The following HTT variants were observed in gnomAD, a reference collection of about 807,000 sequenced individuals.
The protein encoded by HTT is huntington disease protein.
Under a neutral mutation model 362.3 loss-of-function variants are expected in HTT, and 104 were observed. That is an observed-to-expected ratio of 0.29 (90% CI 0.24 to 0.34). HTT has a LOEUF of 0.34. Among genes scored for constraint, HTT ranks in the 10% least tolerant of loss-of-function variants. The pLI is 1.00. For synonymous variants in HTT, 1,577 were observed against 1,548.7 expected, an observed-to-expected ratio of 1.02 and a Z score of -0.43; for missense variants, 3,301 against 3,928.6, an observed-to-expected ratio of 0.84 and a Z score of 4.27.
At chr4:3,166,826 C>G (rs748647552) in intron 29 of HTT, among the ~76,000 whole-genome samples, 1 of 152,218 alleles carries the variant, frequency 6.6e-6, no homozygotes, top group African/African-American at 2.4e-5. Flanking sequence ...GTGTACTGCT[C>G]CTTCAGGTAC....
chr4:3,188,607 A>G, intron 39 of HTT: 1 of 190,498 alleles, frequency 5.2e-6, no homozygotes, highest in Non-Finnish European at 1.1e-5. Flanking sequence ...CAGGTTCAGC[A>G]GGCAGCCCAT....
chr4:3,113,331 AT>A lies in HTT; in HGVS notation c.748-1961del, dbSNP rs796321767. ...CTTGTCTATTTGGACTCATACAATG[AT>A]TTTTTTTTTTTCTTTGAGACAGAGT... On this transcript the variant is annotated intron_variant, in intron 6 of 66. Coordinates refer to ENST00000355072, the MANE Select transcript of HTT (RefSeq NM_001388492.1). Among the ~76,000 whole-genome samples, 818 of 147,472 alleles carry A rather than the reference AT, an allele frequency of 5.5e-3. 4 individuals are homozygous for A. Among genetic ancestry groups the A allele is most frequent in the Non-Finnish European group, 8.4e-3 (559 of 66,422 alleles).
intron 26 of HTT, among the ~76,000 whole-genome samples, chr4:3,152,148 G>C (rs1475543405): frequency 6.6e-6 from 1 of 151,590 alleles, no homozygotes. Context: ...GCCCAGGCTG[G>C]AGTGGGTTGG....
Position 3,242,081 on chromosome 4 carries a change from G to A in HTT, c.*2022G>A, listed in dbSNP as rs1476820210. ...CACCCGCCTCCCGCCTCCCCCGCAG[G>A]TTATGTCAGCAGCTCTGAGACAGCA... is the stretch of plus-strand genomic sequence containing the variant. On this transcript the variant is annotated 3_prime_UTR_variant, in exon 67 of 67. Coordinates refer to ENST00000355072, the MANE Select transcript of HTT (RefSeq NM_001388492.1). 1.3e-5 allele frequency: 2 copies of A among 152,214 alleles called. No homozygotes were observed. Among genetic ancestry groups the A allele is most frequent in the African/African-American group, 2.4e-5 (1 of 41,366 alleles). 9.4% of individuals were successfully genotyped at this position (152,214 alleles called of 1,614,324 possible).
chr4:3,139,982 G>A (rs907843365), intron 21 of HTT, among the ~76,000 whole-genome samples: 2 of 151,946 alleles, frequency 1.3e-5, no homozygotes, highest in Admixed American at 6.6e-5. Flanking sequence ...CCAGCTGGGC[G>A]TGGGGGCTCA....
intron 6 of HTT, among the ~76,000 whole-genome samples, chr4:3,109,470 C>T (rs749097237): frequency 9.9e-5 from 15 of 152,160 alleles, no homozygotes; most frequent in Non-Finnish European, 1.5e-4. Flanking sequence ...GGTGATCCTC[C>T]CACCTCAGCC....
At position 3,074,876 on chromosome 4, in the gene HTT, C is replaced by CCAGCAGCAGCAGCAGCAG. The variant is rs71180116; in HGVS notation, c.93_110dup (p.Gln33_Gln38dup). On this transcript the variant is annotated inframe_insertion, in exon 1 of 67. Transcript: ENST00000355072. ...AGGCCTTCGAGTCCCTCAAGTCCTT[C>CCAGCAGCAGCAGCAGCAG]CAGCAGCAGCAGCAGCAGCAGCAGC... The CCAGCAGCAGCAGCAGCAG allele has an allele frequency of 5.3e-3, 7,257 of 1,357,590 alleles. 80 individuals are homozygous for CCAGCAGCAGCAGCAGCAG. The highest frequency in any genetic ancestry group is 0.012 in the Admixed American group (536 of 43,706). 84.1% of individuals were successfully genotyped at this position (1,357,590 alleles called of 1,614,324 possible).
chr4:3,175,664 C>T (rs539856434), intron 33 of HTT, among the ~76,000 whole-genome samples: 1 of 152,338 alleles, frequency 6.6e-6, no homozygotes, highest in South Asian at 2.1e-4. Context: ...TTACCTTCCT[C>T]CTATAGTTGC....
chr4:3,213,006 T>C (rs772656639), intron 49 of HTT: 2 of 336,034 alleles, frequency 6.0e-6, no homozygotes, highest in Non-Finnish European at 1.1e-5. Flanking sequence ...GGAAGTACTT[T>C]ATGTCTTAAG....
At chr4:3,166,660 C>T (rs573923522) in intron 29 of HTT, among the ~76,000 whole-genome samples, 3 of 152,370 alleles carry the variant, frequency 2.0e-5, no homozygotes, top group South Asian at 4.1e-4. Flanking sequence ...CACCCCTCCC[C>T]CAGCCAAGCT....
chr4:3,228,041 G>A lies in HTT; in HGVS notation c.7849-574G>A, dbSNP rs1424924360. 6.6e-6 allele frequency among the ~76,000 whole-genome samples: 1 copy of A among 152,206 alleles called. No homozygotes were observed. The highest frequency in any genetic ancestry group is 2.1e-4 in the South Asian group (1 of 4,832). On this transcript the variant is annotated intron_variant, in intron 57 of 66. Transcript: ENST00000355072. The surrounding 1 kb of genome is among the most constrained non-coding windows in gnomAD (Gnocchi z 4.3). ...GCCCTTGGTGCCAAGAACGTGAGTTGGGGCTAGTGCCAGTGATGATGGAGA... is the reference window on the plus strand; with the variant it reads ...GCCCTTGGTGCCAAGAACGTGAGTTAGGGCTAGTGCCAGTGATGATGGAGA...
At chr4:3,154,271 T>C in intron 26 of HTT, 22 bp from the exon 27 acceptor site, 3 of 1,524,300 alleles carry the variant, frequency 2.0e-6, no homozygotes, top group Non-Finnish European at 2.6e-6. Context: ...TTTTGTTTTT[T>C]GTTTTTGTTT....
At position 3,174,065 on chromosome 4, in the gene HTT, C is replaced by A. The variant is rs565974832; in HGVS notation, c.4167-656C>A. ...ATGAACAGGTATTTGAGTTGCTAAT[C>A]TGTATAGTAGCAATAATAGAATCCC... On this transcript the variant is annotated intron_variant, in intron 31 of 66. Transcript: ENST00000355072. Among the ~76,000 whole-genome samples the A allele has an allele frequency of 3.7e-4, 57 of 152,286 alleles. 1 individual carries two copies. Among genetic ancestry groups the A allele is most frequent in the Non-Finnish European group, 6.6e-4 (45 of 68,012 alleles).
chr4:3,087,365 A>C (rs926029142), intron 2 of HTT, among the ~76,000 whole-genome samples: 1 of 152,218 alleles, frequency 6.6e-6, no homozygotes, highest in Non-Finnish European at 1.5e-5. Flanking sequence ...ACAGCACAAG[A>C]CAGTTCAGTT....
chr4:3,140,367 A>C (rs1199591628), intron 21 of HTT, 143 bp from the exon 22 acceptor site: 1 of 647,392 alleles, frequency 1.5e-6, no homozygotes, highest in Non-Finnish European at 2.7e-6. Context: ...GTGCTTGAAG[A>C]ACGCCACCTG....
At position 3,157,288 on chromosome 4, in the gene HTT, G is replaced by A. The variant is rs78678037; in HGVS notation, c.3753+89G>A. 1.2e-3 allele frequency: 1,430 copies of A among 1,242,722 alleles called. 12 individuals are homozygous for A. The African/African-American group carries it at 0.016, about 14-fold the overall frequency. The allele number at this position is 1,242,722 out of a possible 1,614,324, so 77.0% of individuals were successfully genotyped here. ...ATGTTTTTCTTATGATTTGTAGGAT[G>A]TATAAGCCCTTTGAGATATGAGTTA... On this transcript the variant is annotated intron_variant, in intron 28 of 66. Coordinates refer to ENST00000355072, the MANE Select transcript of HTT (RefSeq NM_001388492.1).
chr4:3,156,288 T>A lies in HTT; in HGVS notation c.3626-784T>A, dbSNP rs576373752. Among the ~76,000 whole-genome samples, 189 of 151,686 alleles carry A rather than the reference T, an allele frequency of 1.2e-3. 1 individual carries two copies. The highest frequency in any genetic ancestry group is 4.5e-3 in the African/African-American group (185 of 41,050). On this transcript the variant is annotated intron_variant, in intron 27 of 66. Coordinates refer to ENST00000355072, the MANE Select transcript of HTT (RefSeq NM_001388492.1). ...GCACATGCTACTGCACCTGGCTAAT[T>A]TTTGTATTTTTAGTAGAAGTGGAGT...
rs1030475789 is a variant in HTT at position 3,197,960 on chromosome 4, A to G, written c.5369-1772A>G. On this transcript the variant is annotated intron_variant, in intron 40 of 66. Coordinates refer to ENST00000355072, the MANE Select transcript of HTT (RefSeq NM_001388492.1). ...GAACAGAGGGCCCCACAGAAGGATG[A>G]GGCCAGTGCAGAATGGGCTGGAGGG... Among the ~76,000 whole-genome samples, 7 of 152,196 alleles carry G rather than the reference A, an allele frequency of 4.6e-5. 1 individual carries two copies. Among genetic ancestry groups the G allele is most frequent in the African/African-American group, 7.2e-5 (3 of 41,440 alleles).
chr4:3,225,850 A>C (rs968384267), intron 57 of HTT, 107 bp downstream of exon 57: 1 of 748,828 alleles, frequency 1.3e-6, no homozygotes, highest in African/African-American at 1.8e-5. Flanking sequence ...AATGAAAGGA[A>C]GTTTTCCTTT....
Sources: allele counts gnomAD v4.1 joint callset (sites outside exome capture counted in the v4.1 genomes callset), GRCh38; gene constraint gnomAD v4.1.1; non-coding constraint Gnocchi (gnomAD v3.1); transcripts MANE v1.5; gene names NCBI Gene and HGNC (gene_info 2026-07-23, HGNC 2026-07-21).